Variants in PPP1R12B observed in about 807,000 individuals in gnomAD.
PPP1R12B encodes the protein myosin phosphatase target subunit 2.
In PPP1R12B, 76 loss-of-function variants were observed where a neutral mutation model predicts 126.1. The observed-to-expected ratio is 0.60, with a 90% confidence interval of 0.50 to 0.73. The LOEUF is 0.73. Among genes scored for constraint, PPP1R12B ranks in the 30% least tolerant of loss-of-function variants. The pLI is 0.00. For synonymous variants in PPP1R12B, 356 were observed against 434.7 expected (o/e 0.82, Z 2.25); for missense variants, 1,052 against 1,205.1 (o/e 0.87, Z 1.88).
intron 13 of PPP1R12B, among the ~76,000 whole-genome samples, chr1:202,484,017 T>G (rs1204191081): frequency 6.6e-6 from 1 of 152,208 alleles, no homozygotes; most frequent in Non-Finnish European, 1.5e-5. Context: ...GTTAGGTGAG[T>G]CTGTTTTAGG....
At chr1:202,392,377 CTACGTA>C (rs1248867683) in intron 1 of PPP1R12B, among the ~76,000 whole-genome samples, 1 of 152,048 alleles carries the variant, frequency 6.6e-6, no homozygotes, top group Non-Finnish European at 1.5e-5. Flanking sequence ...TCACAGAAGT[CTACGTA>C]TTATATGATT....
At chr1:202,440,631 G>C in intron 10 of PPP1R12B, 75 bp from the exon 11 acceptor site, 1 of 1,112,902 alleles carries the variant, frequency 9.0e-7, no homozygotes, top group South Asian at 1.4e-5. Context: ...ATTAAGTTCT[G>C]CTTTTTTACT....
intron 1 of PPP1R12B, chr1:202,410,276 A>T (rs565313000): frequency 6.6e-6 from 1 of 152,288 alleles, no homozygotes; most frequent in Admixed American, 6.5e-5. Context: ...GTGTTTCTTG[A>T]TATACTCTCA....
At chr1:202,444,321 A>G (rs1671979570) in intron 12 of PPP1R12B, among the ~76,000 whole-genome samples, 1 of 152,218 alleles carries the variant, frequency 6.6e-6, no homozygotes, top group Non-Finnish European at 1.5e-5. Flanking sequence ...TATTATAGTC[A>G]AGAAGTATTT....
intron 1 of PPP1R12B, among the ~76,000 whole-genome samples, chr1:202,409,142 A>G (rs532390381): frequency 6.6e-5 from 10 of 152,092 alleles, no homozygotes; most frequent in Admixed American, 2.6e-4. Flanking sequence ...ACCAGCATCA[A>G]TTATTTTGAG....
At chr1:202,465,537 A>G (rs553358106) in intron 13 of PPP1R12B, among the ~76,000 whole-genome samples, 19 of 152,326 alleles carry the variant, frequency 1.2e-4, no homozygotes, top group African/African-American at 4.3e-4. Flanking sequence ...CTTATGGGTC[A>G]TCTGGCTGTC....
At position 202,438,044 on chromosome 1, in the gene PPP1R12B, G is replaced by C; in HGVS notation, c.1458+20G>C. On this transcript the variant is annotated intron_variant, in intron 10 of 23. Coordinates refer to ENST00000608999, the MANE Select transcript of PPP1R12B (RefSeq NM_002481.4). ...GATAAGGTGCAGTTTGGGAGGGTAT[G>C]GGGGAATTCCAAGGCAGTTTTTTTT... 6.2e-7 allele frequency: 1 copy of C among 1,611,528 alleles called. No individual in the cohort carries two copies. The highest frequency in any genetic ancestry group is 8.5e-7 in the Non-Finnish European group (1 of 1,179,336).
At chr1:202,540,412 G>T (rs1466491458) in intron 18 of PPP1R12B, among the ~76,000 whole-genome samples, 1 of 152,182 alleles carries the variant, frequency 6.6e-6, no homozygotes, top group Non-Finnish European at 1.5e-5. Flanking sequence ...TCTGCAAGAG[G>T]TTATGGTTCA....
intron 1 of PPP1R12B, among the ~76,000 whole-genome samples, chr1:202,416,540 A>AC (rs969296590): frequency 6.6e-6 from 1 of 151,660 alleles, no homozygotes; most frequent in African/African-American, 2.4e-5. Flanking sequence ...AAAAAAAAAA[A>AC]AAAAAAGATT....
rs1437794563 is a variant in PPP1R12B at position 202,437,766 on chromosome 1, A to G, written c.1255-55A>G. On this transcript the variant is annotated intron_variant, in intron 9 of 23. Coordinates refer to ENST00000608999, the MANE Select transcript of PPP1R12B (RefSeq NM_002481.4). Reference sequence around the variant, plus strand: ...AAGTGTGGAAAAGGCAAATAGGCTGAGAAAGAATCATCAGAGCCTTTATTT... The same window carrying G: ...AAGTGTGGAAAAGGCAAATAGGCTGGGAAAGAATCATCAGAGCCTTTATTT... 6 of 1,492,234 alleles carry G rather than the reference A, an allele frequency of 4.0e-6. No individual in the cohort carries two copies. In the Admixed American group the frequency reaches 1.2e-4, roughly 30 times the overall value. 92.4% of individuals were successfully genotyped at this position (1,492,234 alleles called of 1,614,324 possible). A position where few individuals can be genotyped will look rare whatever the true frequency, so the allele number is the denominator to read the frequency against.
At chr1:202,479,009 TAACACGTGAG>T (rs1221518016) in intron 13 of PPP1R12B, among the ~76,000 whole-genome samples, 1 of 152,164 alleles carries the variant, frequency 6.6e-6, no homozygotes, top group Non-Finnish European at 1.5e-5. Context: ...CAGGTAGAAA[TAACACGTGAG>T]TAGGTTTGCT....
At chr1:202,452,045 A>T (rs1489130870) in intron 13 of PPP1R12B, among the ~76,000 whole-genome samples, 1 of 151,418 alleles carries the variant, frequency 6.6e-6, no homozygotes, top group Non-Finnish European at 1.5e-5. Flanking sequence ...GGCCGGGCAG[A>T]GGCGCTCCTC....
At chr1:202,407,298 G>A (rs970873317) in intron 1 of PPP1R12B, among the ~76,000 whole-genome samples, 5 of 152,206 alleles carry the variant, frequency 3.3e-5, no homozygotes, top group African/African-American at 4.8e-5. Context: ...TTAACCCTTA[G>A]GCAATATGAT....
chr1:202,434,443 T>C (rs1670552056), intron 8 of PPP1R12B, among the ~76,000 whole-genome samples: 1 of 152,234 alleles, frequency 6.6e-6, no homozygotes, highest in South Asian at 2.1e-4. Context: ...AAGTTGGAGT[T>C]GGAGCCTACC....
At chr1:202,517,024 G>T (rs1419780489) in intron 18 of PPP1R12B, among the ~76,000 whole-genome samples, 1 of 152,112 alleles carries the variant, frequency 6.6e-6, no homozygotes. Flanking sequence ...TAGCTTACTT[G>T]TTTACAAAAT....
intron 1 of PPP1R12B, among the ~76,000 whole-genome samples, chr1:202,409,164 A>G (rs1667054886): frequency 6.6e-6 from 1 of 151,830 alleles, no homozygotes; most frequent in Admixed American, 6.6e-5. Context: ...TTATACCCAG[A>G]ATTCTTCTGG....
intron 13 of PPP1R12B, among the ~76,000 whole-genome samples, chr1:202,476,411 G>A (rs966872208): frequency 6.6e-6 from 1 of 151,328 alleles, no homozygotes; most frequent in African/African-American, 2.4e-5. Context: ...TGGCCAGGCT[G>A]TGGTGGCTTA....
intron 1 of PPP1R12B, among the ~76,000 whole-genome samples, chr1:202,382,381 C>T: frequency 6.7e-6 from 1 of 150,350 alleles, no homozygotes; most frequent in East Asian, 1.9e-4. Flanking sequence ...ATGTAACAAA[C>T]CTGCACGTTG....
intron 1 of PPP1R12B, among the ~76,000 whole-genome samples, chr1:202,357,577 A>G (rs934416743): frequency 6.6e-6 from 1 of 152,226 alleles, no homozygotes; most frequent in Non-Finnish European, 1.5e-5. Flanking sequence ...TTCATTATTC[A>G]TCAGTTAAGA....
Sources: allele counts gnomAD v4.1 joint callset (sites outside exome capture counted in the v4.1 genomes callset), GRCh38; gene constraint gnomAD v4.1.1; transcripts MANE v1.5; gene names NCBI Gene and HGNC (gene_info 2026-07-23, HGNC 2026-07-21).